ALKBH8: variants seen among roughly 807,000 people sequenced by gnomAD.
The protein encoded by ALKBH8 is alkB homolog 8, tRNA methyltransferase, also known as tRNA (carboxymethyluridine(34)-5-O)-methyltransferase ALKBH8.
A neutral mutation model predicts 59.8 loss-of-function variants in ALKBH8; 36 were observed. That is an observed-to-expected ratio of 0.60 (90% CI 0.46 to 0.79). The LOEUF (loss-of-function observed/expected upper bound fraction) is 0.79. ALKBH8 is among the 30% of genes least tolerant of loss of function. The pLI is 0.00. For missense variants in ALKBH8, 768 were observed against 801.0 expected, an observed-to-expected ratio of 0.96 and a Z score of 0.50; for synonymous variants, 276 against 273.6, an observed-to-expected ratio of 1.01 and a Z score of -0.09.
At chr11:107,524,670 A>T (rs549646083) in intron 9 of ALKBH8, among the ~76,000 whole-genome samples, 3 of 152,218 alleles carry the variant, frequency 2.0e-5, no homozygotes, top group Non-Finnish European at 2.9e-5. Context: ...TAACATCAGG[A>T]TATAAAATAT....
chr11:107,509,440 A>G (rs1591243276), intron 11 of ALKBH8, among the ~76,000 whole-genome samples: 1 of 152,094 alleles, frequency 6.6e-6, no homozygotes, highest in Non-Finnish European at 1.5e-5. Context: ...ATTTTCTCCT[A>G]TTTTGTGGGC....
intron 1 of ALKBH8, chr11:107,562,886 G>A (rs643387): frequency 0.94 from 143,105 of 152,280 alleles, 67,457 homozygotes; most frequent in African/African-American, 0.99. Flanking sequence ...AAGTTCAGGC[G>A]GAATCAAGAG....
intron 7 of ALKBH8, among the ~76,000 whole-genome samples, chr11:107,538,260 A>G (rs1863904473): frequency 1.3e-5 from 2 of 152,144 alleles, no homozygotes; most frequent in Non-Finnish European, 2.9e-5. Flanking sequence ...TATAAAATTA[A>G]ATGTAGACTT....
At position 107,503,857 on chromosome 11, in the gene ALKBH8, A is replaced by G. The variant is rs973909638; in HGVS notation, c.*801T>C. ...TCTTGATAATAAATTAGTCAGGATT[A>G]GTAGTTATTTCAGTCACTTAAAAGT... On this transcript the variant is annotated 3_prime_UTR_variant, in exon 12 of 12. Coordinates refer to ENST00000428149, the MANE Select transcript of ALKBH8 (RefSeq NM_138775.3). 8 of 152,230 alleles carry G rather than the reference A, an allele frequency of 5.3e-5. No individual in the cohort carries two copies. The highest frequency in any genetic ancestry group is 1.9e-4 in the African/African-American group (8 of 41,464). The allele number at this position is 152,230 out of a possible 1,614,324, so 9.4% of individuals were successfully genotyped here.
intron 7 of ALKBH8, among the ~76,000 whole-genome samples, chr11:107,539,559 G>A (rs1211807694): frequency 2.6e-5 from 4 of 151,446 alleles, no homozygotes; most frequent in Non-Finnish European, 2.9e-5. Context: ...AGATCTCACC[G>A]TTGCACTCCA....
At chr11:107,523,957 A>G (rs1863242875) in intron 9 of ALKBH8, among the ~76,000 whole-genome samples, 1 of 152,108 alleles carries the variant, frequency 6.6e-6, no homozygotes, top group East Asian at 1.9e-4. Context: ...GTGAGGTAAT[A>G]ATACATGTTA....
intron 8 of ALKBH8, among the ~76,000 whole-genome samples, chr11:107,529,597 C>G (rs539560247): frequency 2.6e-5 from 4 of 151,940 alleles, no homozygotes; most frequent in Admixed American, 1.3e-4. Flanking sequence ...CTCCGCCTCC[C>G]GGGTTCAAGT....
At chr11:107,545,697 G>C (rs1055213794) in intron 7 of ALKBH8, among the ~76,000 whole-genome samples, 1 of 152,148 alleles carries the variant, frequency 6.6e-6, no homozygotes, top group East Asian at 1.9e-4. Flanking sequence ...AATATCAGCA[G>C]CTATCTCTGC....
chr11:107,553,772 A>G (rs1278837500), intron 4 of ALKBH8, 75 bp downstream of exon 4: 1 of 1,473,530 alleles, frequency 6.8e-7, no homozygotes, highest in Non-Finnish European at 9.1e-7. Flanking sequence ...ATATTAATAA[A>G]CCATGAAAGA....
intron 8 of ALKBH8, among the ~76,000 whole-genome samples, chr11:107,530,406 C>T (rs961673618): frequency 2.0e-5 from 3 of 152,066 alleles, no homozygotes; most frequent in Non-Finnish European, 4.4e-5. Context: ...GGCTTATTTC[C>T]TGTTATTTAT....
At chr11:107,525,671 T>C (rs1432145056) in intron 8 of ALKBH8, 79 bp from the exon 9 acceptor site, 30 of 1,009,206 alleles carry the variant, frequency 3.0e-5, no homozygotes, top group Non-Finnish European at 3.8e-5. Flanking sequence ...GTTAAGTGAA[T>C]AGAGAAAATC....
At chr11:107,565,419 G>A in intron 1 of ALKBH8, 182 bp downstream of exon 1, 1 of 748,388 alleles carries the variant, frequency 1.3e-6, no homozygotes, top group Non-Finnish European at 2.1e-6. Context: ...TAAACACTGA[G>A]AGAACCACCC....
intron 2 of ALKBH8, among the ~76,000 whole-genome samples, chr11:107,560,315 G>C (rs1864886700): frequency 6.6e-6 from 1 of 152,152 alleles, no homozygotes; most frequent in Non-Finnish European, 1.5e-5. Flanking sequence ...TATAAAACAG[G>C]TTAAGGTTGG....
Position 107,503,573 on chromosome 11 carries a change from C to T in ALKBH8, c.*1085G>A, listed in dbSNP as rs1329294160. ...TTCTACCTTTGTTCCTCCAGGAAAT[C>T]TAACCTAAGTGGTAAGTTAACTGGG... On this transcript the variant is annotated 3_prime_UTR_variant, in exon 12 of 12. Transcript: ENST00000428149. 6.6e-6 allele frequency: 1 copy of T among 152,136 alleles called. No homozygotes were observed. Among genetic ancestry groups the T allele is most frequent in the Non-Finnish European group, 1.5e-5 (1 of 68,022 alleles). The allele number at this position is 152,136 out of a possible 1,614,324, so 9.4% of individuals were successfully genotyped here.
chr11:107,560,706 A>C (rs1196677706), intron 2 of ALKBH8, 59 bp downstream of exon 2: 2 of 1,460,948 alleles, frequency 1.4e-6, no homozygotes, highest in East Asian at 4.7e-5. Context: ...AAATATTAAT[A>C]TAATACATTA....
At chr11:107,528,965 TGAAG>T (rs1240035405) in intron 8 of ALKBH8, among the ~76,000 whole-genome samples, 3 of 152,170 alleles carry the variant, frequency 2.0e-5, no homozygotes, top group Non-Finnish European at 4.4e-5. Flanking sequence ...TGATAAATTA[TGAAG>T]GAAGTAAAAG....
chr11:107,511,638 G>A (rs1276283988), intron 10 of ALKBH8, among the ~76,000 whole-genome samples: 1 of 152,062 alleles, frequency 6.6e-6, no homozygotes. Flanking sequence ...GTGCAATGGC[G>A]TGATCTCAGC....
Position 107,504,239 on chromosome 11 carries a change from T to C in ALKBH8, c.*419A>G. On this transcript the variant is annotated 3_prime_UTR_variant, in exon 12 of 12. Transcript: ENST00000428149. ...GTCTATGATTTTACAGAGCTAAAAA[T>C]CATAGGTAAAACTTCAGACAATTTT... The C allele has an allele frequency of 2.3e-6, 1 of 430,602 alleles. No homozygotes were observed. The highest frequency in any genetic ancestry group is 4.1e-6 in the Non-Finnish European group (1 of 246,502). The allele number at this position is 430,602 out of a possible 1,614,324, so 26.7% of individuals were successfully genotyped here.
At chr11:107,515,247 A>G (rs1181236090) in intron 10 of ALKBH8, among the ~76,000 whole-genome samples, 1 of 152,266 alleles carries the variant, frequency 6.6e-6, no homozygotes, top group Non-Finnish European at 1.5e-5. Flanking sequence ...TCAACAGGAC[A>G]GAAAATGGCT....
Sources: gnomAD v4.1 joint callset for allele counts (sites outside exome capture counted in the v4.1 genomes callset) on GRCh38, gnomAD v4.1.1 for gene constraint, MANE v1.5 for transcripts, NCBI Gene and HGNC (gene_info 2026-07-23, HGNC 2026-07-21) for gene names.